Variants in PCDH15 observed in about 807,000 individuals in gnomAD.
PCDH15 encodes protocadherin related 15.
Under a neutral mutation model 178.5 loss-of-function variants are expected in PCDH15, and 129 were observed. The ratio of observed to expected loss-of-function variants is 0.72; its 90% CI spans 0.63 to 0.84. PCDH15 has a LOEUF of 0.84. Among genes scored for constraint, PCDH15 ranks in the 40% least tolerant of loss-of-function variants. The probability of loss-of-function intolerance (pLI) is 0.00; values close to 1 mark genes in which losing one functional copy is unlikely to be tolerated. For synonymous variants in PCDH15, 800 were observed against 732.0 expected (o/e 1.09, Z -1.50); for missense variants, 2,230 against 2,099.9 (o/e 1.06, Z -1.21).
At chr10:54,130,317 T>C (rs774434387) in intron 15 of PCDH15, among the ~76,000 whole-genome samples, 88 of 152,266 alleles carry the variant, frequency 5.8e-4, no homozygotes, top group Non-Finnish European at 1.0e-3. Flanking sequence ...GTTTAGCTGG[T>C]AACATGACAT....
intron 1 of PCDH15, among the ~76,000 whole-genome samples, chr10:55,190,515 G>A (rs1370176599): frequency 6.6e-6 from 1 of 151,636 alleles, no homozygotes; most frequent in East Asian, 1.9e-4. Flanking sequence ...GTCAAAATAA[G>A]TGTTATTTAA....
Position 55,063,899 on chromosome 10 carries a change from G to A in PCDH15, c.-80+102677C>T, listed in dbSNP as rs150887489. On this transcript the variant is annotated intron_variant, in intron 2 of 5. Transcript: ENST00000458638. ...TAGTAGAAAGTATGCTGTTTATCCT[G>A]TGATAAAGGCTGTTGGCTTGAATAT... 5.5e-3 allele frequency among the ~76,000 whole-genome samples: 841 copies of A among 152,152 alleles called. 6 individuals carry two copies. The highest frequency in any genetic ancestry group is 0.019 in the African/African-American group (790 of 41,472).
At chr10:55,003,449 T>C (rs1220440033) in intron 2 of PCDH15, among the ~76,000 whole-genome samples, 1 of 152,058 alleles carries the variant, frequency 6.6e-6, no homozygotes, top group Non-Finnish European at 1.5e-5. Context: ...TTGCTGTTTT[T>C]TTTTTTTCAG....
chr10:55,403,045 T>C (rs1011369399), intron 2 of PCDH15, among the ~76,000 whole-genome samples: 1 of 151,992 alleles, frequency 6.6e-6, no homozygotes, highest in Non-Finnish European at 1.5e-5. Context: ...CTCATTGTGG[T>C]TTTGATTTGC....
At chr10:54,892,363 G>A (rs1954477933) in intron 3 of PCDH15, among the ~76,000 whole-genome samples, 1 of 151,936 alleles carries the variant, frequency 6.6e-6, no homozygotes, top group South Asian at 2.1e-4. Context: ...ATAATGTGAA[G>A]TCATTTCCTT....
At chr10:54,657,379 A>G (rs1471631931) in intron 2 of PCDH15, among the ~76,000 whole-genome samples, 2 of 152,186 alleles carry the variant, frequency 1.3e-5, no homozygotes, top group Non-Finnish European at 2.9e-5. Flanking sequence ...GCCTCCAGTC[A>G]TTACTGAGCT....
At chr10:54,421,016 C>T (rs770584712) in intron 3 of PCDH15, among the ~76,000 whole-genome samples, 6 of 151,976 alleles carry the variant, frequency 3.9e-5, no homozygotes, top group Admixed American at 2.0e-4. Context: ...AAGCTTTTCG[C>T]TTCGCATGTT....
chr10:54,901,792 A>C (rs1203959422), intron 2 of PCDH15, among the ~76,000 whole-genome samples: 1 of 152,166 alleles, frequency 6.6e-6, no homozygotes, highest in East Asian at 1.9e-4. Flanking sequence ...AGTTTGAGCA[A>C]ATAAAAGTGA....
intron 1 of PCDH15, among the ~76,000 whole-genome samples, chr10:55,297,850 C>T (rs1386800308): frequency 6.6e-6 from 1 of 152,022 alleles, no homozygotes; most frequent in African/African-American, 2.4e-5. Context: ...TATCTCCTTA[C>T]TTCCTTTAGT....
intron 8 of PCDH15, among the ~76,000 whole-genome samples, chr10:54,261,680 T>C (rs937985379): frequency 1.8e-5 from 2 of 112,788 alleles, no homozygotes; most frequent in African/African-American, 6.4e-5. Flanking sequence ...GCATATTACA[T>C]CTATTTTTTA....
At chr10:55,315,169 A>G (rs535791720) in intron 1 of PCDH15, among the ~76,000 whole-genome samples, 2 of 152,250 alleles carry the variant, frequency 1.3e-5, no homozygotes, top group Admixed American at 6.5e-5. Flanking sequence ...ATAGTAGATA[A>G]TAATATTTGA....
At chr10:54,519,463 T>C (rs1565487501) in intron 3 of PCDH15, among the ~76,000 whole-genome samples, 2 of 152,150 alleles carry the variant, frequency 1.3e-5, no homozygotes, top group Admixed American at 6.6e-5. Flanking sequence ...CCATTCACAA[T>C]TGCTTCAAAG....
At chr10:55,390,108 G>A (rs187958650) in intron 2 of PCDH15, among the ~76,000 whole-genome samples, 49 of 152,124 alleles carry the variant, frequency 3.2e-4, no homozygotes, top group Non-Finnish European at 6.3e-4. Flanking sequence ...AATTAAGCAA[G>A]TCACATGAGT....
At chr10:55,431,988 C>T (rs1838891158) in intron 2 of PCDH15, among the ~76,000 whole-genome samples, 1 of 151,772 alleles carries the variant, frequency 6.6e-6, no homozygotes, top group South Asian at 2.1e-4. Flanking sequence ...ATACTGTAAA[C>T]ATTTTCATGC....
At chr10:55,479,950 T>C (rs1166438812) in intron 2 of PCDH15, among the ~76,000 whole-genome samples, 2 of 151,688 alleles carry the variant, frequency 1.3e-5, no homozygotes, top group Non-Finnish European at 3.0e-5. Context: ...AACAGCTTTG[T>C]TCTTTTTGCT....
chr10:54,488,108 G>T (rs1431487947), intron 3 of PCDH15, among the ~76,000 whole-genome samples: 1 of 151,598 alleles, frequency 6.6e-6, no homozygotes, highest in East Asian at 1.9e-4. Context: ...CTCACTAAAA[G>T]ACGAGTTAAT....
chr10:54,608,908 G>GA (rs1158698157), intron 2 of PCDH15, among the ~76,000 whole-genome samples: 6 of 151,884 alleles, frequency 4.0e-5, no homozygotes, highest in Non-Finnish European at 8.8e-5. Flanking sequence ...AATATATTCT[G>GA]AAGTAGTATA....
intron 23 of PCDH15, among the ~76,000 whole-genome samples, chr10:53,951,043 T>C (rs374050258): frequency 2.1e-4 from 32 of 152,180 alleles, no homozygotes; most frequent in African/African-American, 4.3e-4. Context: ...GAGTCAAGTA[T>C]TGAAATGATT....
intron 13 of PCDH15, among the ~76,000 whole-genome samples, chr10:54,170,453 T>A (rs2133606726): frequency 6.6e-6 from 1 of 151,964 alleles, no homozygotes; most frequent in Non-Finnish European, 1.5e-5. Context: ...AATCACAAAC[T>A]ATGCTCAACT....
Sources: allele counts gnomAD v4.1 joint callset (sites outside exome capture counted in the v4.1 genomes callset), GRCh38; gene constraint gnomAD v4.1.1; transcripts MANE v1.5; gene names NCBI Gene and HGNC (gene_info 2026-07-23, HGNC 2026-07-21).